Variants in ABHD18 observed in about 807,000 individuals in gnomAD.
ABHD18 encodes the protein cardiolipin-specific deacylase, mitochondrial.
ABHD18 carries 55 observed loss-of-function variants against 65.9 expected under a neutral mutation model. The observed-to-expected ratio is 0.84, with a 90% CI of 0.67 to 1.05. The LOEUF (loss-of-function observed/expected upper bound fraction) is 1.05. Ranked by LOEUF, ABHD18 falls within the 50% of genes least tolerant of loss-of-function variation. The pLI is 0.00. For missense variants in ABHD18, 533 were observed against 558.5 expected, an observed-to-expected ratio of 0.95 and a Z score of 0.46; for synonymous variants, 181 against 180.2, an observed-to-expected ratio of 1.00 and a Z score of -0.04.
At chr4:127,989,961 T>G in intron 4 of ABHD18, 140 bp downstream of exon 4, 1 of 548,476 alleles carries the variant, frequency 1.8e-6, no homozygotes, top group East Asian at 3.0e-5. Context: ...GATATTTTAA[T>G]TCTTCAAAGA....
chr4:128,035,035 G>A (rs1758723579), intron 12 of ABHD18, among the ~76,000 whole-genome samples: 1 of 152,098 alleles, frequency 6.6e-6, no homozygotes, highest in South Asian at 2.1e-4. Flanking sequence ...AAGTAGCTAG[G>A]AACATGTTCA....
chr4:128,029,513 C>CT (rs1458979692), intron 11 of ABHD18, among the ~76,000 whole-genome samples: 3 of 151,956 alleles, frequency 2.0e-5, no homozygotes, highest in Non-Finnish European at 4.4e-5. Flanking sequence ...AGACCCTGTC[C>CT]TTATCAAAAA....
Position 127,965,461 on chromosome 4 carries a change from G to T in ABHD18, c.-163G>T. The T allele has an allele frequency of 2.1e-6, 1 of 475,480 alleles. No individual in the cohort carries two copies. Among genetic ancestry groups the T allele is most frequent in the Non-Finnish European group, 3.9e-6 (1 of 258,136 alleles). 29.5% of individuals were successfully genotyped at this position (475,480 alleles called of 1,614,324 possible). A position where few individuals can be genotyped will look rare whatever the true frequency, so the allele number is the denominator to read the frequency against. ...TCTTCCTCCCTCCGTTTCTCCTTCC[G>T]CTGTATCTAGCATTTCGGTTCCTGG... On this transcript the variant is annotated 5_prime_UTR_variant, in exon 1 of 13. Coordinates refer to ENST00000645843, the MANE Select transcript of ABHD18 (RefSeq NM_001358451.3).
intron 2 of ABHD18, among the ~76,000 whole-genome samples, chr4:127,984,113 A>G (rs1560837953): frequency 2.6e-5 from 4 of 152,124 alleles, no homozygotes. Flanking sequence ...GTATGTATTA[A>G]TTACTTTCTG....
chr4:127,984,670 A>C (rs1323149291), intron 3 of ABHD18, among the ~76,000 whole-genome samples: 1 of 152,134 alleles, frequency 6.6e-6, no homozygotes, highest in African/African-American at 2.4e-5. Context: ...CAGCCTGACC[A>C]ACATGGAGAA....
intron 12 of ABHD18, chr4:128,031,004 T>C (rs917292002): frequency 9.6e-7 from 1 of 1,041,576 alleles, no homozygotes. Context: ...AAGAGTTTTT[T>C]CACTCTATTC....
At chr4:127,996,967 C>T (rs1179949767) in intron 4 of ABHD18, among the ~76,000 whole-genome samples, 14 of 152,196 alleles carry the variant, frequency 9.2e-5, no homozygotes, top group Non-Finnish European at 1.3e-4. Flanking sequence ...TGTGCAAACA[C>T]ACATTTTACA....
intron 10 of ABHD18, among the ~76,000 whole-genome samples, chr4:128,026,877 C>T (rs1757453344): frequency 6.6e-6 from 1 of 151,798 alleles, no homozygotes; most frequent in African/African-American, 2.4e-5. Context: ...CCTCCGCCTC[C>T]TGGGTTCAAA....
intron 1 of ABHD18, among the ~76,000 whole-genome samples, chr4:127,972,338 C>T (rs914751522): frequency 1.3e-5 from 2 of 152,098 alleles, no homozygotes; most frequent in African/African-American, 4.8e-5. Context: ...TTCCAGCTCC[C>T]TTCCCCTCTG....
rs1032164985 is a variant in ABHD18 at position 128,039,279 on chromosome 4, A to G, written c.*3466A>G. On this transcript the variant is annotated 3_prime_UTR_variant, in exon 13 of 13. Transcript: ENST00000645843. ...AAATTCATTTAGACCAGATCTGTAA[A>G]CTGGTAGTTCACATAGGCCAGTTTG... 6.6e-6 allele frequency: 1 copy of G among 151,180 alleles called. No homozygotes were observed. The highest frequency in any genetic ancestry group is 1.5e-5 in the Non-Finnish European group (1 of 67,836). The allele number at this position is 151,180 out of a possible 1,614,324, so 9.4% of individuals were successfully genotyped here.
At chr4:128,001,830 A>AGTTTT in intron 4 of ABHD18, 1 of 1,390,976 alleles carries the variant, frequency 7.2e-7, no homozygotes, top group Non-Finnish European at 9.3e-7. Context: ...TTAGATGTTG[A>AGTTTT]GTTTTGTTTT....
At chr4:128,002,605 AAG>A (rs1218818663) in intron 4 of ABHD18, among the ~76,000 whole-genome samples, 3 of 151,332 alleles carry the variant, frequency 2.0e-5, no homozygotes, top group Non-Finnish European at 4.4e-5. Context: ...AAAAAAGAAA[AAG>A]AAAAAAAAAA....
At chr4:128,013,861 G>A (rs529119348) in intron 7 of ABHD18, among the ~76,000 whole-genome samples, 2 of 152,172 alleles carry the variant, frequency 1.3e-5, no homozygotes, top group South Asian at 4.2e-4. Context: ...ATGAAAGTAG[G>A]ATGGGGTGGA....
At chr4:127,995,872 A>T (rs974444016) in intron 4 of ABHD18, among the ~76,000 whole-genome samples, 1 of 152,240 alleles carries the variant, frequency 6.6e-6, no homozygotes, top group African/African-American at 2.4e-5. Flanking sequence ...AATTGTATAA[A>T]AATTTTCCTT....
At position 128,038,552 on chromosome 4, in the gene ABHD18, AAG is replaced by A. The variant is rs1759069772; in HGVS notation, c.*2741_*2742del. On this transcript the variant is annotated 3_prime_UTR_variant, in exon 13 of 13. Coordinates refer to ENST00000645843, the MANE Select transcript of ABHD18 (RefSeq NM_001358451.3). ...CTAACTTTTCTCAAATAAAGTGTGA[AAG>A]AAAGTATTTTTAAAATTTCATCTCT... 1 of 152,178 alleles carries A rather than the reference AAG, an allele frequency of 6.6e-6. No individual in the cohort carries two copies. Among genetic ancestry groups the A allele is most frequent in the African/African-American group, 2.4e-5 (1 of 41,436 alleles). The allele number at this position is 152,178 out of a possible 1,614,324, so 9.4% of individuals were successfully genotyped here. A position where few individuals can be genotyped will look rare whatever the true frequency, so the allele number is the denominator to read the frequency against.
chr4:127,968,287 A>G (rs995377578), intron 1 of ABHD18, among the ~76,000 whole-genome samples: 1 of 152,252 alleles, frequency 6.6e-6, no homozygotes, highest in East Asian at 1.9e-4. Flanking sequence ...GTTGAATTAT[A>G]TTTGTGAAGC....
In ABHD18 at chr4:127,985,381, A is replaced by C. The variant is rs77532911; in HGVS notation, c.177+958A>C. Among the ~76,000 whole-genome samples, 855 of 143,894 alleles carry C rather than the reference A, an allele frequency of 5.9e-3. 11 individuals are homozygous for C. The highest frequency in any genetic ancestry group is 0.025 in the African/African-American group (827 of 33,648). The allele number at this position is 143,894 out of a possible 152,430, so 94.4% of individuals were successfully genotyped here. ...CAAAGTAACTGTACTTGCATCTCAT[A>C]TGTTTTGGATATCTTTTAGATTTCT... On this transcript the variant is annotated intron_variant, in intron 3 of 12. Transcript: ENST00000645843.
At chr4:127,978,724 T>C (rs1243943445) in intron 1 of ABHD18, among the ~76,000 whole-genome samples, 1 of 152,180 alleles carries the variant, frequency 6.6e-6, no homozygotes, top group Non-Finnish European at 1.5e-5. Context: ...AAAAGTCTTA[T>C]AGTAAGAATT....
chr4:127,980,799 C>T (rs1284271920), intron 1 of ABHD18, among the ~76,000 whole-genome samples: 1 of 129,464 alleles, frequency 7.7e-6, no homozygotes, highest in Admixed American at 9.0e-5. Context: ...GCGCTCCAGC[C>T]TGGGCAACAG....
Sources: gnomAD v4.1 joint callset for allele counts (sites outside exome capture counted in the v4.1 genomes callset) on GRCh38, gnomAD v4.1.1 for gene constraint, MANE v1.5 for transcripts, NCBI Gene and HGNC (gene_info 2026-07-23, HGNC 2026-07-21) for gene names.